MECR: variants seen among roughly 807,000 people sequenced by gnomAD.
The protein encoded by MECR is enoyl-[acyl-carrier-protein] reductase, mitochondrial.
In MECR, 37 loss-of-function variants were observed where a neutral mutation model predicts 49.1. The observed-to-expected ratio is 0.75, with a 90% confidence interval of 0.58 to 0.99. The LOEUF (loss-of-function observed/expected upper bound fraction) is 0.99, where lower values mean the gene tolerates loss of function less well. Ranked by LOEUF, MECR falls within the 50% of genes least tolerant of loss-of-function variation. The pLI is 0.00. For missense variants in MECR, 470 were observed against 479.6 expected (o/e 0.98, Z 0.19); for synonymous variants, 198 against 191.1 (o/e 1.04, Z -0.30).
At position 29,230,789 on chromosome 1, in the gene MECR, G is replaced by C. The variant is rs374505770; in HGVS notation, c.118C>G (p.Pro40Ala). The change falls in exon 1 of 10, where the codon CCT becomes GCT. Residue 40 changes from proline to alanine, a missense_variant. Transcript: ENST00000263702. ...TAGACAAGCGCCCGGACCCGGGCAG[G>C]CTCGGCGGATGCGGAGTAGGAGGAG... The part of the protein sequence containing the change: ...AASSYSASAE[P>A]ARVRALVYGH... The C allele has an allele frequency of 1.0e-4, 162 of 1,604,942 alleles. No homozygotes were observed. The African/African-American group carries it at 1.4e-3, about 14-fold the overall frequency.
chr1:29,205,968 T>C (rs1038374894), intron 4 of MECR, among the ~76,000 whole-genome samples: 10 of 152,226 alleles, frequency 6.6e-5, no homozygotes, highest in Non-Finnish European at 1.2e-4. Flanking sequence ...TAGGCTCTGC[T>C]TTCAGAGAAA....
At chr1:29,185,767 A>T in the MECR span, among the ~76,000 whole-genome samples, 1 of 152,182 alleles carries the variant, frequency 6.6e-6, no homozygotes, top group South Asian at 2.1e-4. Context: ...TAACATTCTT[A>T]AGAACTAGCA....
intron 9 of MECR, among the ~76,000 whole-genome samples, chr1:29,195,277 T>C (rs1160665463): frequency 6.6e-6 from 1 of 152,204 alleles, no homozygotes; most frequent in Non-Finnish European, 1.5e-5. Flanking sequence ...CAGTGCCTAG[T>C]TGCACGTGTG....
intron 3 of MECR, among the ~76,000 whole-genome samples, chr1:29,215,435 G>A (rs773091000): frequency 2.7e-4 from 41 of 151,968 alleles, no homozygotes; most frequent in Non-Finnish European, 5.0e-4. Context: ...AAAATTTGTC[G>A]GGCGTGATGG....
At chr1:29,225,094 C>T (rs1292544850) in intron 1 of MECR, among the ~76,000 whole-genome samples, 1 of 152,200 alleles carries the variant, frequency 6.6e-6, no homozygotes, top group African/African-American at 2.4e-5. Context: ...GCCCTAAACT[C>T]CACAGCCTAG....
chr1:29,170,731 G>C, the MECR span: 3 of 152,040 alleles, frequency 2.0e-5, no homozygotes, highest in African/African-American at 4.8e-5. Context: ...TGTGGTTCCT[G>C]ACTCCCTTGC....
At chr1:29,173,073 A>C in the MECR span, 1 of 151,936 alleles carries the variant, frequency 6.6e-6, no homozygotes, top group Non-Finnish European at 1.5e-5. Context: ...TTATGCTTTC[A>C]TAATATCTAA....
At position 29,230,857 on chromosome 1, in the gene MECR, C is replaced by T. The variant is rs1397883323; in HGVS notation, c.50G>A (p.Trp17Ter). 6.2e-7 allele frequency: 1 copy of T among 1,607,664 alleles called. No homozygotes were observed. The highest frequency in any genetic ancestry group is 1.1e-5 in the South Asian group (1 of 90,898). Residue 17 changes from tryptophan to a stop codon, truncating the protein, a stop_gained, in exon 1 of 10, where the codon TGG becomes TAG. Coordinates refer to ENST00000263702, the MANE Select transcript of MECR (RefSeq NM_016011.5). LOFTEE classifies it high-confidence loss of function. Reference protein sequence around the residue: ...LWRVRTPARQWRGLLPASGCH... With the variant: ...LWRVRTPARQ ...GCCAGAAGCTGGGAGCAGCCCCCGC[C>T]ACTGCCGGGCGGGGGTTCGCACCCG...
chr1:29,181,011 G>C, the MECR span, among the ~76,000 whole-genome samples: 2 of 152,220 alleles, frequency 1.3e-5, no homozygotes. Context: ...GAGTCTTAAA[G>C]ATAAGAAGTT....
chr1:29,173,174 G>A, the MECR span: 1 of 107,928 alleles, frequency 9.3e-6, no homozygotes, highest in Non-Finnish European at 1.7e-5. Flanking sequence ...GTCTTGCTCT[G>A]TCATCCAGGC....
intron 7 of MECR, among the ~76,000 whole-genome samples, chr1:29,198,290 C>A (rs569711105): frequency 2.6e-5 from 4 of 152,196 alleles, no homozygotes; most frequent in Non-Finnish European, 5.9e-5. Flanking sequence ...CCGTGTTAGA[C>A]CACCCTTCAG....
At chr1:29,196,879 C>G (rs1489211082) in intron 7 of MECR, among the ~76,000 whole-genome samples, 1 of 152,062 alleles carries the variant, frequency 6.6e-6, no homozygotes, top group Non-Finnish European at 1.5e-5. Flanking sequence ...CACGGTGATA[C>G]ATGCCTGTGG....
the MECR span, chr1:29,173,462 T>TC: frequency 7.7e-5 from 9 of 117,444 alleles, no homozygotes; most frequent in Admixed American, 7.4e-4. Flanking sequence ...TGTTTTTTTT[T>TC]TTTCTTTTTT....
At chr1:29,220,409 A>G (rs1487308841) in intron 1 of MECR, among the ~76,000 whole-genome samples, 1 of 152,076 alleles carries the variant, frequency 6.6e-6, no homozygotes, top group African/African-American at 2.4e-5. Flanking sequence ...TCAAAAGAAA[A>G]AAAAGTGCCA....
chr1:29,193,039 G>A lies in MECR; in HGVS notation c.*983C>T, dbSNP rs965591351. On this transcript the variant is annotated 3_prime_UTR_variant, in exon 10 of 10. Coordinates refer to ENST00000263702, the MANE Select transcript of MECR (RefSeq NM_016011.5). Reference sequence around the variant, plus strand: ...GGCTCACTGCAGTCTAGACCTCCCAGGCTCAGGTGATCCTCCCACCTCAAC... The same window carrying A: ...GGCTCACTGCAGTCTAGACCTCCCAAGCTCAGGTGATCCTCCCACCTCAAC... The A allele has an allele frequency of 6.6e-5, 10 of 152,438 alleles. No individual in the cohort carries two copies. The highest frequency in any genetic ancestry group is 1.2e-4 in the Non-Finnish European group (8 of 68,354). 9.4% of individuals were successfully genotyped at this position (152,438 alleles called of 1,614,324 possible). A position where few individuals can be genotyped will look rare whatever the true frequency, so the allele number is the denominator to read the frequency against.
chr1:29,194,874 T>TG (rs1673588476), intron 9 of MECR, among the ~76,000 whole-genome samples: 1 of 152,088 alleles, frequency 6.6e-6, no homozygotes, highest in Non-Finnish European at 1.5e-5. Context: ...CCAGCACTCT[T>TG]GGAGGCTGAG....
the MECR span, chr1:29,181,968 G>C: frequency 5.1e-6 from 2 of 389,736 alleles, no homozygotes; most frequent in East Asian, 8.7e-5. Flanking sequence ...GAGAGAGCGC[G>C]CGTTCGCTTC....
intron 7 of MECR, among the ~76,000 whole-genome samples, chr1:29,198,821 T>C (rs933787892): frequency 1.3e-5 from 2 of 152,218 alleles, no homozygotes; most frequent in Non-Finnish European, 2.9e-5. Context: ...TTCACCATGT[T>C]GGCCAGGATG....
rs1682872793 is a variant in MECR, at chr1:29,229,267, A to G, written c.176+1464T>C. Among the ~76,000 whole-genome samples, 4 of 151,750 alleles carry G rather than the reference A, an allele frequency of 2.6e-5. 1 individual carries two copies. In the South Asian group the frequency reaches 8.3e-4, roughly 32 times the overall value. On this transcript the variant is annotated intron_variant, in intron 1 of 9. Coordinates refer to ENST00000263702, the MANE Select transcript of MECR (RefSeq NM_016011.5). ...GCCCAGGCTGGAGTGCAGTGGCGCA[A>G]TCTCGACTCACTGCAACCTCCGCCT...
Sources: gnomAD v4.1 joint callset for allele counts (sites outside exome capture counted in the v4.1 genomes callset) on GRCh38, gnomAD v4.1.1 for gene constraint, MANE v1.5 for transcripts, NCBI Gene and HGNC (gene_info 2026-07-23, HGNC 2026-07-21) for gene names.